The following LRRC8D variants were observed in gnomAD, a reference collection of about 807,000 sequenced individuals.
The protein encoded by LRRC8D is leucine rich repeat containing 8 VRAC subunit D, also known as volume-regulated anion channel subunit LRRC8D.
A neutral mutation model predicts 55.8 loss-of-function variants in LRRC8D; 20 were observed. That is an observed-to-expected ratio of 0.36 (90% CI 0.25 to 0.52). LRRC8D has a LOEUF of 0.52. LRRC8D is among the 20% of genes least tolerant of loss of function. The probability of loss-of-function intolerance (pLI) is 0.93; values close to 1 mark genes in which losing one functional copy is unlikely to be tolerated. For missense variants in LRRC8D, 651 were observed against 1,030.8 expected (o/e 0.63, Z 5.05); for synonymous variants, 352 against 377.0 (o/e 0.93, Z 0.77).
intron 1 of LRRC8D, chr1:89,833,584 C>G (rs1486215395): frequency 6.6e-6 from 1 of 152,240 alleles, no homozygotes; most frequent in African/African-American, 2.4e-5. Flanking sequence ...CTTTTGTGGA[C>G]TCGTGTGACC....
At chr1:89,926,601 A>G (rs1663571833) in intron 2 of LRRC8D, among the ~76,000 whole-genome samples, 2 of 152,230 alleles carry the variant, frequency 1.3e-5, no homozygotes, top group Non-Finnish European at 2.9e-5. Flanking sequence ...GTGGTAGAGA[A>G]AAAGATTTAG....
At chr1:89,854,942 T>C (rs764826073) in intron 2 of LRRC8D, among the ~76,000 whole-genome samples, 19 of 152,188 alleles carry the variant, frequency 1.2e-4, no homozygotes, top group Admixed American at 2.6e-4. Flanking sequence ...AGTTTGGATT[T>C]ACCCTTTGCC....
At chr1:89,849,394 G>A (rs1050254647) in intron 2 of LRRC8D, among the ~76,000 whole-genome samples, 2 of 152,104 alleles carry the variant, frequency 1.3e-5, no homozygotes, top group African/African-American at 4.8e-5. Flanking sequence ...AATATTGCTG[G>A]ATCATAGGAT....
chr1:89,861,200 C>G (rs1403030926), intron 2 of LRRC8D, among the ~76,000 whole-genome samples: 1 of 152,128 alleles, frequency 6.6e-6, no homozygotes, highest in Non-Finnish European at 1.5e-5. Context: ...AAGCTTTGTG[C>G]TAGAAAAGCC....
At position 89,911,937 on chromosome 1, in the gene LRRC8D, C is replaced by G. The variant is rs1050536825; in HGVS notation, c.-2-21130C>G. Among the ~76,000 whole-genome samples, 2 of 152,122 alleles carry G rather than the reference C, an allele frequency of 1.3e-5. No individual in the cohort carries two copies. The highest frequency in any genetic ancestry group is 4.8e-5 in the African/African-American group (2 of 41,416). The stretch of plus-strand genomic sequence containing the variant: ...CCTCTGCTGAATGCTTTTCTTCTCC[C>G]AGTTCCCTAAATGCTAGTGATCCCC... On this transcript the variant is annotated intron_variant, in intron 2 of 2. Coordinates refer to ENST00000337338, the MANE Select transcript of LRRC8D (RefSeq NM_001134479.2). This position sits in a 1 kb window ranked among gnomAD's most constrained non-coding sequence, Gnocchi z 4.0.
At chr1:89,853,803 C>T (rs962453791) in intron 2 of LRRC8D, among the ~76,000 whole-genome samples, 1 of 151,976 alleles carries the variant, frequency 6.6e-6, no homozygotes, top group Non-Finnish European at 1.5e-5. Flanking sequence ...GGATTGTCAC[C>T]AGTGAGGAAT....
rs1570904211 is a variant in LRRC8D at position 89,935,514 on chromosome 1, C to G, written c.2446C>G (p.Gln816Glu). 6.2e-7 allele frequency: 1 copy of G among 1,614,248 alleles called. No homozygotes were observed. The highest frequency in any genetic ancestry group is 8.5e-7 in the Non-Finnish European group (1 of 1,180,046). The change falls in exon 3 of 3, where the codon CAG (glutamine) becomes GAG (glutamate). Residue 816 changes from glutamine (Q) to glutamate (E), a missense_variant. Around this residue, in one of 5 missense-constraint regions of LRRC8D, gnomAD observed 338 missense variants for 479.4 expected, o/e 0.71. Transcript: ENST00000337338. ...GAACTGCTTGGACCGCCTGCCAGCCCAGCTGGGCCAGTGTCGGATGCTCAA... is the reference window on the plus strand; with the variant it reads ...GAACTGCTTGGACCGCCTGCCAGCCGAGCTGGGCCAGTGTCGGATGCTCAA... Reference protein sequence around the residue: ...KGNCLDRLPAQLGQCRMLKKS... With the variant: ...KGNCLDRLPAELGQCRMLKKS...
chr1:89,879,951 A>G (rs1386368978), intron 2 of LRRC8D, among the ~76,000 whole-genome samples: 1 of 152,190 alleles, frequency 6.6e-6, no homozygotes, highest in Non-Finnish European at 1.5e-5. Context: ...AAGCCATTTA[A>G]TTCTTCCTGG....
intron 2 of LRRC8D, among the ~76,000 whole-genome samples, chr1:89,899,680 CA>C (rs1410307194): frequency 2.6e-5 from 4 of 152,208 alleles, no homozygotes; most frequent in African/African-American, 7.2e-5. Flanking sequence ...AGGCCCACAT[CA>C]AAGGATCAAT....
At position 89,926,860 on chromosome 1, in the gene LRRC8D, A is replaced by T. The variant is rs1350391476; in HGVS notation, c.-2-6207A>T. Among the ~76,000 whole-genome samples the T allele has an allele frequency of 2.6e-5, 4 of 152,350 alleles. No individual in the cohort carries two copies. The East Asian group carries it at 7.7e-4, about 29-fold the overall frequency. On this transcript the variant is annotated intron_variant, in intron 2 of 2. Coordinates refer to ENST00000337338, the MANE Select transcript of LRRC8D (RefSeq NM_001134479.2). ...TGCTTTGGCCTTAGGTGGGATTTTA[A>T]ATCCAGTCTCTGCTACTAATTATTT...
At chr1:89,873,359 G>T (rs1662069675) in intron 2 of LRRC8D, among the ~76,000 whole-genome samples, 1 of 152,136 alleles carries the variant, frequency 6.6e-6, no homozygotes, top group Non-Finnish European at 1.5e-5. Context: ...CACTTTTTAG[G>T]TTCTCCTTGT....
At chr1:89,848,413 C>G (rs114599218) in intron 2 of LRRC8D, among the ~76,000 whole-genome samples, 1,934 of 152,140 alleles carry the variant, frequency 0.013, 18 homozygotes, top group Middle Eastern at 0.02. Flanking sequence ...AGGATTTATC[C>G]CTGTTCTGCA....
intron 1 of LRRC8D, among the ~76,000 whole-genome samples, chr1:89,823,639 C>T (rs1357148260): frequency 2.0e-5 from 3 of 152,180 alleles, no homozygotes; most frequent in East Asian, 1.9e-4. Context: ...GTTTGACATT[C>T]TAAGAAACAC....
intron 2 of LRRC8D, among the ~76,000 whole-genome samples, chr1:89,914,409 A>G (rs140206413): frequency 0.055 from 8,372 of 152,270 alleles, 256 homozygotes; most frequent in East Asian, 0.13. Context: ...GGGCTCCCAC[A>G]GTGCATTGGT....
intron 2 of LRRC8D, among the ~76,000 whole-genome samples, chr1:89,853,920 G>T (rs944954691): frequency 1.3e-5 from 2 of 152,162 alleles, no homozygotes; most frequent in Non-Finnish European, 2.9e-5. Flanking sequence ...GAGGAGTTGT[G>T]TGTATGTGTG....
At chr1:89,821,470 G>A (rs945362159) in intron 1 of LRRC8D, among the ~76,000 whole-genome samples, 179 bp downstream of exon 1, 16 of 152,274 alleles carry the variant, frequency 1.1e-4, no homozygotes, top group African/African-American at 3.8e-4. Flanking sequence ...GGCGAGCGGA[G>A]TGGGCTCCCG....
At chr1:89,822,119 G>A (rs904021894) in intron 1 of LRRC8D, 3 of 152,618 alleles carry the variant, frequency 2.0e-5, no homozygotes, top group Non-Finnish European at 4.4e-5. Context: ...AGATAAATGA[G>A]ATTTTTTGAT....
chr1:89,851,514 T>G (rs1466917579), intron 2 of LRRC8D, among the ~76,000 whole-genome samples: 1 of 140,362 alleles, frequency 7.1e-6, no homozygotes, highest in Non-Finnish European at 1.5e-5. Flanking sequence ...TTTCTTTTTC[T>G]TTTTTTTTTT....
At chr1:89,859,296 C>A (rs1386467801) in intron 2 of LRRC8D, among the ~76,000 whole-genome samples, 2 of 151,664 alleles carry the variant, frequency 1.3e-5, no homozygotes, top group East Asian at 3.9e-4. Context: ...ATGAGAGACT[C>A]CATACACGGA....
Sources: allele counts gnomAD v4.1 joint callset (sites outside exome capture counted in the v4.1 genomes callset), GRCh38; gene constraint gnomAD v4.1.1; regional missense constraint gnomAD v4.1.1; non-coding constraint Gnocchi (gnomAD v3.1); transcripts MANE v1.5; gene names NCBI Gene and HGNC (gene_info 2026-07-23, HGNC 2026-07-21).